KSR2: variants seen among roughly 807,000 people sequenced by gnomAD.
The protein encoded by KSR2 is kinase suppressor of ras 2.
In KSR2, 25 loss-of-function variants were observed where a neutral mutation model predicts 107.8. That is an observed-to-expected ratio of 0.23 (90% CI 0.17 to 0.32). The LOEUF (loss-of-function observed/expected upper bound fraction) is 0.32. KSR2 is among the 10% of genes least tolerant of loss of function. The pLI, the probability that KSR2 is intolerant of heterozygous loss-of-function variation, is 1.00. For missense variants in KSR2, 887 were observed against 1,268.9 expected (o/e 0.70, Z 4.57); for synonymous variants, 480 against 507.0 (o/e 0.95, Z 0.71).
Position 117,455,506 on chromosome 12 carries a change from T to C in KSR2, c.*11693A>G, listed in dbSNP as rs1870573698. The C allele has an allele frequency of 6.6e-6, 1 of 152,200 alleles. No individual in the cohort carries two copies. Among genetic ancestry groups the C allele is most frequent in the South Asian group, 2.1e-4 (1 of 4,830 alleles). The allele number at this position is 152,200 out of a possible 1,614,324, so 9.4% of individuals were successfully genotyped here. A position where few individuals can be genotyped will look rare whatever the true frequency, so the allele number is the denominator to read the frequency against. On this transcript the variant is annotated 3_prime_UTR_variant, in exon 20 of 20. Coordinates refer to ENST00000339824, the MANE Select transcript of KSR2 (RefSeq NM_173598.6). ...CTTCCTGGAGGGTCTTTCTCTGGGT[T>C]GGGAGCTCCTGTGGGGCCTCGGGAC...
intron 2 of KSR2, among the ~76,000 whole-genome samples, chr12:117,856,561 C>G (rs977700923): frequency 6.6e-6 from 1 of 152,124 alleles, no homozygotes; most frequent in African/African-American, 2.4e-5. Flanking sequence ...ACTGCAACAT[C>G]CACCTCCCGG....
At chr12:117,716,095 T>C (rs1446426) in intron 4 of KSR2, among the ~76,000 whole-genome samples, 30,321 of 152,222 alleles carry the variant, frequency 0.2, 3,194 homozygotes, top group Admixed American at 0.25. Context: ...GCTTCTTTCA[T>C]AGCACCTGGA....
At chr12:117,516,213 A>G (rs1874368548) in intron 14 of KSR2, among the ~76,000 whole-genome samples, 1 of 152,150 alleles carries the variant, frequency 6.6e-6, no homozygotes, top group East Asian at 1.9e-4. Context: ...CACCATGTCT[A>G]TGCAGATGAC....
intron 1 of KSR2, chr12:117,889,519 T>C (rs1894277519): frequency 6.6e-6 from 1 of 152,176 alleles, no homozygotes; most frequent in African/African-American, 2.4e-5. Context: ...AAAATTTTGT[T>C]AGAAAGTTGA....
At chr12:117,906,895 C>T (rs1034735100) in intron 1 of KSR2, among the ~76,000 whole-genome samples, 8 of 152,094 alleles carry the variant, frequency 5.3e-5, no homozygotes, top group African/African-American at 1.9e-4. Flanking sequence ...GGTGTGGTGG[C>T]ACACGCCTGT....
intron 14 of KSR2, among the ~76,000 whole-genome samples, chr12:117,500,474 C>A (rs1025925250): frequency 1.3e-5 from 2 of 152,166 alleles, no homozygotes; most frequent in Admixed American, 1.3e-4. Context: ...TTATTCCTAT[C>A]CAACAAATGG....
chr12:117,467,889 G>T, intron 19 of KSR2: 4 of 423,452 alleles, frequency 9.4e-6, no homozygotes, highest in South Asian at 6.7e-5. Flanking sequence ...ACTGAACCCA[G>T]CATCCTATTC....
At chr12:117,609,344 T>C (rs762238593) in intron 5 of KSR2, among the ~76,000 whole-genome samples, 13 of 152,220 alleles carry the variant, frequency 8.5e-5, no homozygotes, top group Non-Finnish European at 1.3e-4. Context: ...CAGTGCTCCA[T>C]GAAGAATATC....
intron 4 of KSR2, among the ~76,000 whole-genome samples, chr12:117,680,511 A>G (rs138445694): frequency 1.3e-5 from 2 of 152,110 alleles, no homozygotes; most frequent in East Asian, 3.9e-4. Context: ...GAGATGATGC[A>G]TTGTTCTGCA....
At chr12:117,621,967 C>A (rs895352131) in intron 5 of KSR2, among the ~76,000 whole-genome samples, 1 of 152,098 alleles carries the variant, frequency 6.6e-6, no homozygotes. Flanking sequence ...ATTCCATGGG[C>A]ACCTTATGGA....
chr12:117,665,124 G>A (rs1342673753), intron 5 of KSR2, among the ~76,000 whole-genome samples: 1 of 152,108 alleles, frequency 6.6e-6, no homozygotes, highest in African/African-American at 2.4e-5. Context: ...CGGGAGCTCA[G>A]AGAGCAACTT....
intron 3 of KSR2, among the ~76,000 whole-genome samples, chr12:117,799,304 T>C (rs576218330): frequency 1.6e-4 from 25 of 152,140 alleles, no homozygotes; most frequent in African/African-American, 6.0e-4. Flanking sequence ...GAGTTCAAGA[T>C]CAGCCCGGCC....
intron 3 of KSR2, among the ~76,000 whole-genome samples, chr12:117,770,786 T>G (rs1303849645): frequency 2.7e-5 from 4 of 150,288 alleles, no homozygotes; most frequent in African/African-American, 9.8e-5. Flanking sequence ...GCTAACACGG[T>G]GAAACCCTGT....
At chr12:117,597,792 C>T (rs1880731105) in intron 5 of KSR2, among the ~76,000 whole-genome samples, 1 of 152,184 alleles carries the variant, frequency 6.6e-6, no homozygotes, top group South Asian at 2.1e-4. Context: ...TTTGCACCAA[C>T]CTAATACTTC....
At chr12:117,883,340 G>A (rs575064821) in intron 1 of KSR2, among the ~76,000 whole-genome samples, 1 of 152,304 alleles carries the variant, frequency 6.6e-6, no homozygotes, top group East Asian at 1.9e-4. Flanking sequence ...ATAAGATAAT[G>A]TTTCTAAAAT....
At chr12:117,793,970 C>A (rs1377872291) in intron 3 of KSR2, among the ~76,000 whole-genome samples, 10 of 133,758 alleles carry the variant, frequency 7.5e-5, no homozygotes, top group Non-Finnish European at 9.5e-5. Context: ...CCAACATGCA[C>A]ACACACCATG....
intron 3 of KSR2, among the ~76,000 whole-genome samples, chr12:117,781,960 A>G (rs16951457): frequency 0.011 from 1,657 of 152,332 alleles, 38 homozygotes; most frequent in African/African-American, 0.037. Flanking sequence ...GTAAAGTGGA[A>G]CTAAGCATGT....
intron 5 of KSR2, among the ~76,000 whole-genome samples, chr12:117,648,794 C>T (rs146561883): frequency 6.6e-6 from 1 of 152,302 alleles, no homozygotes; most frequent in East Asian, 1.9e-4. Context: ...CAACCAATCA[C>T]GCCAAGCCAA....
intron 4 of KSR2, among the ~76,000 whole-genome samples, chr12:117,689,546 T>C (rs778139249): frequency 1.3e-5 from 2 of 152,190 alleles, no homozygotes; most frequent in Admixed American, 6.5e-5. Context: ...TGGCTGTATA[T>C]TAATAAAACT....
Sources: gnomAD v4.1 joint callset for allele counts (sites outside exome capture counted in the v4.1 genomes callset) on GRCh38, gnomAD v4.1.1 for gene constraint, MANE v1.5 for transcripts, NCBI Gene and HGNC (gene_info 2026-07-23, HGNC 2026-07-21) for gene names.